HMCN2: variants seen among roughly 807,000 people sequenced by gnomAD.
HMCN2 encodes hemicentin-2.
In HMCN2, 325 loss-of-function variants were observed where a neutral mutation model predicts 377.5. The ratio of observed to expected loss-of-function variants is 0.86; its 90% confidence interval spans 0.79 to 0.94. The LOEUF is 0.94. Among genes scored for constraint, HMCN2 ranks in the 40% least tolerant of loss-of-function variants. The pLI is 0.00. For missense variants in HMCN2, 4,543 were observed against 4,725.3 expected (o/e 0.96, Z 1.13); for synonymous variants, 2,007 against 2,046.8 (o/e 0.98, Z 0.53).
chr9:130,349,227 C>T lies in HMCN2; in HGVS notation c.4303+96C>T, dbSNP rs894709252. 17 of 1,194,952 alleles carry T rather than the reference C, an allele frequency of 1.4e-5. No homozygotes were observed. In the African/African-American group the frequency reaches 1.6e-4, roughly 11 times the overall value. 74.0% of individuals were successfully genotyped at this position (1,194,952 alleles called of 1,614,324 possible). ...CGGGGGAGAGGGTAGACTTTGCCTG[C>T]GGAGAGCAGGGGGCACAGAGGGACC... On this transcript the variant is annotated intron_variant, in intron 28 of 97. Transcript: ENST00000683500.
intron 36 of HMCN2, among the ~76,000 whole-genome samples, 172 bp downstream of exon 36, chr9:130,358,658 G>A (rs943098775): frequency 2.4e-4 from 36 of 151,628 alleles, no homozygotes; most frequent in African/African-American, 6.6e-4. Context: ...AGCAATAGCT[G>A]TGTAGTCCCT....
At chr9:130,334,056 C>T (rs1342942617) in intron 22 of HMCN2, among the ~76,000 whole-genome samples, 1 of 152,212 alleles carries the variant, frequency 6.6e-6, no homozygotes, top group Non-Finnish European at 1.5e-5. Flanking sequence ...TCAAGTCAGC[C>T]TTCCTGGAGG....
At position 130,364,869 on chromosome 9, in the gene HMCN2, G is replaced by A. The variant is rs974087362; in HGVS notation, c.6388G>A (p.Ala2130Thr). 121 of 985,950 alleles carry A rather than the reference G, an allele frequency of 1.2e-4. No individual in the cohort carries two copies. In the African/African-American group the frequency reaches 1.6e-3, roughly 13 times the overall value. The allele number at this position is 985,950 out of a possible 1,614,324, so 61.1% of individuals were successfully genotyped here. Residue 2130 changes from alanine to threonine, a missense_variant, in exon 41 of 98, where the codon GCA becomes ACA. By Grantham distance (58) the Ala-to-Thr change is moderately conservative (BLOSUM62 0). Coordinates refer to ENST00000683500, the MANE Select transcript of HMCN2 (RefSeq NM_001291815.2). ...ACCACGGCCTGGAGTCCACCTCTCC[G>A]CAGACAAAGCCTTGCTGCAGGTGTG... ...LEPRPGVHLS[A>T]DKALLQVDRA...
In HMCN2 at chr9:130,393,155, C is replaced by G; in HGVS notation, c.10137-57C>G. On this transcript the variant is annotated intron_variant, in intron 66 of 97. Transcript: ENST00000683500. This position sits in a 1 kb window ranked among gnomAD's most constrained non-coding sequence, Gnocchi z 5.2. ...TCTCCTGTCTCTCTCCCTTTCTCTT[C>G]CTCTCTCTCTCTCCCTTTCTCTTGT... 1.1e-6 allele frequency: 1 copy of G among 924,480 alleles called. No individual in the cohort carries two copies. Among genetic ancestry groups the G allele is most frequent in the Non-Finnish European group, 1.3e-6 (1 of 772,240 alleles). The allele number at this position is 924,480 out of a possible 1,614,324, so 57.3% of individuals were successfully genotyped here.
At chr9:130,431,540 G>A (rs1203600688) in intron 96 of HMCN2, 54 bp downstream of exon 96, 60 of 1,530,962 alleles carry the variant, frequency 3.9e-5, no homozygotes, top group African/African-American at 8.2e-5. Context: ...GGCAGGCAGC[G>A]TGGGATGGGA....
At position 130,304,984 on chromosome 9, in the gene HMCN2, G is replaced by A. The variant is rs1363437156; in HGVS notation, c.1798G>A (p.Val600Ile). ...SNANGVTRAS[V>I]WLLVREAPQV... ...TGCCAATGGGGTCACAAGGGCATCC[G>A]TCTGGCTCCTGGTGCGAGGTGAGGC... is the stretch of plus-strand genomic sequence containing the variant. The change falls in exon 11 of 98, where the codon GTC (valine) becomes ATC (isoleucine). Residue 600 changes from valine to isoleucine, a missense_variant. Physicochemically the swap from Val to Ile is conservative, Grantham distance 29. Around this residue, in one of 5 missense-constraint regions of HMCN2, gnomAD observed 547 missense variants for 189.9 expected, o/e 2.88. Transcript: ENST00000683500. The surrounding 1 kb of genome is among the most constrained non-coding windows in gnomAD (Gnocchi z 4.3). The A allele has an allele frequency of 2.8e-5, 13 of 470,246 alleles. No homozygotes were observed. The highest frequency in any genetic ancestry group is 9.4e-5 in the Admixed American group (4 of 42,558). The allele number at this position is 470,246 out of a possible 1,614,324, so 29.1% of individuals were successfully genotyped here.
At chr9:130,331,749 A>G (rs1838440307) in intron 22 of HMCN2, among the ~76,000 whole-genome samples, 1 of 152,098 alleles carries the variant, frequency 6.6e-6, no homozygotes, top group African/African-American at 2.4e-5. Context: ...CCAGGCAACA[A>G]TGTTTGTTTG....
intron 49 of HMCN2, among the ~76,000 whole-genome samples, chr9:130,375,340 T>A (rs1231122253): frequency 3.3e-5 from 5 of 152,104 alleles, no homozygotes; most frequent in Non-Finnish European, 2.9e-5. Flanking sequence ...AGCTTTCCCT[T>A]GTAGTATTGC....
intron 32 of HMCN2, 47 bp downstream of exon 32, chr9:130,355,091 T>G: frequency 8.2e-7 from 1 of 1,212,268 alleles, no homozygotes; most frequent in Non-Finnish European, 1.1e-6. Context: ...TGTGGACGTC[T>G]GCCCAGGCCT....
At chr9:130,346,719 G>C (rs1839410932) in intron 25 of HMCN2, among the ~76,000 whole-genome samples, 1 of 152,134 alleles carries the variant, frequency 6.6e-6, no homozygotes, top group African/African-American at 2.4e-5. Flanking sequence ...AAAAAACAAA[G>C]AGCCTGGCCC....
chr9:130,281,667 G>C (rs554466255), intron 1 of HMCN2, among the ~76,000 whole-genome samples: 1 of 152,018 alleles, frequency 6.6e-6, no homozygotes, highest in East Asian at 1.9e-4. Flanking sequence ...GCTGAGGCGG[G>C]CGGATCACCT....
intron 96 of HMCN2, among the ~76,000 whole-genome samples, chr9:130,431,704 G>T (rs1055376768): frequency 6.6e-6 from 1 of 152,214 alleles, no homozygotes; most frequent in Non-Finnish European, 1.5e-5. Context: ...CTGAGATCAC[G>T]CGGGCAGGCT....
intron 89 of HMCN2, 68 bp from the exon 90 acceptor site, chr9:130,425,619 T>G: frequency 1.1e-5 from 11 of 1,020,118 alleles, no homozygotes; most frequent in East Asian, 5.7e-5. Flanking sequence ...CCTCCTCCCC[T>G]TCCAACCCTG....
At chr9:130,286,334 T>A (rs1554927737) in intron 4 of HMCN2, 24 bp downstream of exon 4, 1 of 470,056 alleles carries the variant, frequency 2.1e-6, no homozygotes, top group Admixed American at 2.3e-5. Context: ...GGGGGCACCA[T>A]CCCGGAGCCC....
intron 96 of HMCN2, 64 bp from the exon 97 acceptor site, chr9:130,432,365 C>A (rs547574635): frequency 1.1e-5 from 17 of 1,495,972 alleles, no homozygotes; most frequent in East Asian, 7.4e-5. Context: ...CCCACGCACT[C>A]CCCCCTTCTC....
chr9:130,401,123 A>G (rs1564858174), intron 77 of HMCN2, among the ~76,000 whole-genome samples, 176 bp downstream of exon 77: 2 of 152,138 alleles, frequency 1.3e-5, no homozygotes, highest in Non-Finnish European at 2.9e-5. Flanking sequence ...ATTCTCCTCC[A>G]TGCTCTGCAG....
Position 130,310,824 on chromosome 9 carries a change from T to A in HMCN2, c.2350+763T>A, listed in dbSNP as rs1021777371. ...CCACCTATATGCCTTGGTCATGCCA[T>A]GGAGCCTCAGTTTCTCTCAGTTTCC... is the stretch of plus-strand genomic sequence containing the variant. On this transcript the variant is annotated intron_variant, in intron 15 of 97. Transcript: ENST00000683500. Among the ~76,000 whole-genome samples, 321 of 152,340 alleles carry A rather than the reference T, an allele frequency of 2.1e-3. 3 individuals are homozygous for A. Among genetic ancestry groups the A allele is most frequent in the African/African-American group, 7.4e-3 (309 of 41,578 alleles).
intron 85 of HMCN2, among the ~76,000 whole-genome samples, chr9:130,415,363 G>T (rs1843631217): frequency 6.6e-6 from 1 of 152,064 alleles, no homozygotes; most frequent in African/African-American, 2.4e-5. Context: ...TTTTTGATGG[G>T]GTCTTGCTCT....
intron 70 of HMCN2, 50 bp from the exon 71 acceptor site, chr9:130,395,161 G>T (rs57712869): frequency 3.1e-6 from 4 of 1,281,078 alleles, no homozygotes; most frequent in Admixed American, 2.3e-5. Context: ...ACGGGCTCGC[G>T]GCAGGGGTGA....
Sources: allele counts gnomAD v4.1 joint callset (sites outside exome capture counted in the v4.1 genomes callset), GRCh38; gene constraint gnomAD v4.1.1; regional missense constraint gnomAD v4.1.1; non-coding constraint Gnocchi (gnomAD v3.1); transcripts MANE v1.5; gene names NCBI Gene and HGNC (gene_info 2026-07-23, HGNC 2026-07-21).